WWOX: variants seen among roughly 807,000 people sequenced by gnomAD.
WWOX encodes the protein WW domain containing oxidoreductase.
Under a neutral mutation model 46.2 loss-of-function variants are expected in WWOX, and 69 were observed. That is an observed-to-expected ratio of 1.49 (90% CI 1.23 to 1.82). WWOX has a LOEUF of 1.82. WWOX is among the 40% of genes most tolerant of loss of function. The pLI is 0.00. For missense variants in WWOX, 919 were observed against 542.6 expected (o/e 1.69, Z -6.89); for synonymous variants, 359 against 202.6 (o/e 1.77, Z -6.56).
chr16:78,786,050 G>A (rs934600310), intron 8 of WWOX, among the ~76,000 whole-genome samples: 3 of 152,140 alleles, frequency 2.0e-5, no homozygotes, highest in Non-Finnish European at 4.4e-5. Context: ...GGGAATACAG[G>A]CACCCACCAC....
chr16:78,871,091 A>G (rs575736236), intron 8 of WWOX, among the ~76,000 whole-genome samples: 96 of 152,320 alleles, frequency 6.3e-4, no homozygotes, highest in African/African-American at 2.1e-3. Flanking sequence ...GAAGCAATTC[A>G]GTAAATACTT....
chr16:78,310,825 G>T (rs2080227311), intron 5 of WWOX, among the ~76,000 whole-genome samples: 1 of 152,194 alleles, frequency 6.6e-6, no homozygotes, highest in Admixed American at 6.5e-5. Context: ...AGAGAACCCA[G>T]TTCAATTCCC....
At chr16:78,802,202 GTTTT>G (rs60554747) in intron 8 of WWOX, among the ~76,000 whole-genome samples, 217 of 96,776 alleles carry the variant, frequency 2.2e-3, no homozygotes, top group African/African-American at 7.9e-3. Context: ...GTTTGTTTAG[GTTTT>G]TTTTTTTTTT....
intron 5 of WWOX, among the ~76,000 whole-genome samples, chr16:78,351,945 C>G (rs1437133106): frequency 6.6e-6 from 1 of 152,216 alleles, no homozygotes; most frequent in Non-Finnish European, 1.5e-5. Flanking sequence ...GCATGAGCCA[C>G]CACGCCCAGC....
chr16:78,633,394 A>G (rs1041345987), intron 8 of WWOX, among the ~76,000 whole-genome samples: 2 of 151,928 alleles, frequency 1.3e-5, no homozygotes, highest in African/African-American at 4.8e-5. Context: ...TTTTTCATTC[A>G]CCCCTCCCTC....
At position 78,163,629 on chromosome 16, in the gene WWOX, ATATGGGTGTG is replaced by A. The variant is rs1348354893; in HGVS notation, c.410-549_410-540del. The stretch of plus-strand genomic sequence containing the variant: ...GTGCCCTTCTGATGCCTTCAAACAG[ATATGGGTGTG>A]TATGCACGTGTGTTATTTTGTCCAT... On this transcript the variant is annotated intron_variant, in intron 4 of 8. Coordinates refer to ENST00000566780, the MANE Select transcript of WWOX (RefSeq NM_016373.4). 4.6e-5 allele frequency among the ~76,000 whole-genome samples: 7 copies of A among 152,288 alleles called. No homozygotes were observed. In the East Asian group the frequency reaches 1.4e-3, roughly 29 times the overall value.
intron 8 of WWOX, among the ~76,000 whole-genome samples, chr16:78,676,136 G>T (rs2047593355): frequency 6.6e-6 from 1 of 151,756 alleles, no homozygotes; most frequent in Non-Finnish European, 1.5e-5. Context: ...CAGACTGAGA[G>T]CCCCCAAGGG....
intron 8 of WWOX, among the ~76,000 whole-genome samples, chr16:79,113,889 G>T (rs1478963638): frequency 6.6e-6 from 1 of 152,214 alleles, no homozygotes; most frequent in African/African-American, 2.4e-5. Context: ...GTCTCTCAGT[G>T]TGTGGAAGGA....
intron 8 of WWOX, among the ~76,000 whole-genome samples, chr16:79,099,515 C>G (rs1034938312): frequency 6.6e-6 from 1 of 151,698 alleles, no homozygotes; most frequent in Non-Finnish European, 1.5e-5. Flanking sequence ...ACTATGCTGG[C>G]CAGTTTCTTT....
At chr16:78,949,865 T>A (rs964110301) in intron 8 of WWOX, among the ~76,000 whole-genome samples, 1 of 152,244 alleles carries the variant, frequency 6.6e-6, no homozygotes, top group African/African-American at 2.4e-5. Context: ...TGTAACTTTT[T>A]ATGGCTCTCA....
intron 4 of WWOX, among the ~76,000 whole-genome samples, chr16:78,116,011 T>C (rs990898226): frequency 2.0e-5 from 3 of 152,156 alleles, no homozygotes; most frequent in Non-Finnish European, 4.4e-5. Flanking sequence ...TTTTTATTTT[T>C]ATTTTTTGTG....
At chr16:78,315,262 T>G (rs930779869) in intron 5 of WWOX, among the ~76,000 whole-genome samples, 3 of 152,184 alleles carry the variant, frequency 2.0e-5, no homozygotes, top group African/African-American at 7.2e-5. Flanking sequence ...GTAATAGAAA[T>G]GTAGACATGA....
chr16:79,169,186 G>A (rs142800649), intron 8 of WWOX, among the ~76,000 whole-genome samples: 172 of 152,306 alleles, frequency 1.1e-3, no homozygotes, highest in African/African-American at 3.9e-3. Context: ...TAAATAACAT[G>A]TCCAAAGTCT....
chr16:78,658,247 C>G (rs993527386), intron 8 of WWOX, among the ~76,000 whole-genome samples: 2 of 152,096 alleles, frequency 1.3e-5, no homozygotes, highest in Non-Finnish European at 2.9e-5. Context: ...TGGTTCTTTC[C>G]ATGAGAAAGT....
intron 8 of WWOX, among the ~76,000 whole-genome samples, chr16:79,065,605 G>T (rs1236940893): frequency 6.6e-6 from 1 of 152,190 alleles, no homozygotes; most frequent in Non-Finnish European, 1.5e-5. Flanking sequence ...AGGAATAATT[G>T]GGGAAGTTCC....
intron 4 of WWOX, among the ~76,000 whole-genome samples, chr16:78,147,713 C>T (rs2034257105): frequency 1.9e-5 from 2 of 103,084 alleles, no homozygotes; most frequent in Admixed American, 1.2e-4. Context: ...AAAAAAGGTG[C>T]TTGAATTAGA....
At position 78,896,793 on chromosome 16, in the gene WWOX, A is replaced by T. The variant is rs567899980; in HGVS notation, c.1057-314815A>T. ...TGAGAGAGAGAGAAAATGTATATGC[A>T]TACATATACATATATTATTGAGACA... is the stretch of plus-strand genomic sequence containing the variant. On this transcript the variant is annotated intron_variant, in intron 8 of 8. Transcript: ENST00000566780. 2.0e-5 allele frequency: 3 copies of T among 152,270 alleles called. No homozygotes were observed. In the East Asian group the frequency reaches 5.8e-4, roughly 29 times the overall value. 9.4% of individuals were successfully genotyped at this position (152,270 alleles called of 1,614,324 possible). A position where few individuals can be genotyped will look rare whatever the true frequency, so the allele number is the denominator to read the frequency against.
At chr16:78,786,647 C>T (rs2050464537) in intron 8 of WWOX, among the ~76,000 whole-genome samples, 1 of 152,104 alleles carries the variant, frequency 6.6e-6, no homozygotes, top group Admixed American at 6.5e-5. Flanking sequence ...TCATCAAAAT[C>T]TAATTTTAGA....
chr16:78,846,882 G>A (rs949147141), intron 8 of WWOX, among the ~76,000 whole-genome samples: 1 of 152,154 alleles, frequency 6.6e-6, no homozygotes, highest in African/African-American at 2.4e-5. Context: ...CTACATGGAA[G>A]GCTGTTTCTT....
Sources: allele counts gnomAD v4.1 joint callset (sites outside exome capture counted in the v4.1 genomes callset), GRCh38; gene constraint gnomAD v4.1.1; transcripts MANE v1.5; gene names NCBI Gene and HGNC (gene_info 2026-07-23, HGNC 2026-07-21).